KIF6: variants seen among roughly 807,000 people sequenced by gnomAD.
The protein encoded by KIF6 is kinesin family member 6.
Under a neutral mutation model 112.7 loss-of-function variants are expected in KIF6, and 106 were observed. The observed-to-expected ratio is 0.94, with a 90% CI of 0.80 to 1.11. The LOEUF is 1.11. Among genes scored for constraint, KIF6 ranks in the 50% least tolerant of loss-of-function variants. The pLI is 0.00. For missense variants in KIF6, 929 were observed against 964.0 expected, an observed-to-expected ratio of 0.96 and a Z score of 0.48; for synonymous variants, 339 against 339.9, an observed-to-expected ratio of 1.00 and a Z score of 0.03.
chr6:39,567,428 C>G (rs1780351319), intron 10 of KIF6, among the ~76,000 whole-genome samples: 1 of 152,150 alleles, frequency 6.6e-6, no homozygotes, highest in Non-Finnish European at 1.5e-5. Context: ...ATTCAAGCCT[C>G]TTAACTCTCA....
At chr6:39,478,700 ATTTTT>A (rs796482220) in intron 13 of KIF6, among the ~76,000 whole-genome samples, 3 of 106,152 alleles carry the variant, frequency 2.8e-5, no homozygotes, top group Non-Finnish European at 4.3e-5. Flanking sequence ...GACAACATCT[ATTTTT>A]TTTTTTTTTT....
At chr6:39,348,977 C>G (rs1285130271) in intron 19 of KIF6, among the ~76,000 whole-genome samples, 2 of 152,176 alleles carry the variant, frequency 1.3e-5, no homozygotes, top group Non-Finnish European at 2.9e-5. Context: ...CTTTGCACAT[C>G]TTACAGATGA....
At chr6:39,411,352 A>G (rs1166198510) in intron 15 of KIF6, among the ~76,000 whole-genome samples, 1 of 152,190 alleles carries the variant, frequency 6.6e-6, no homozygotes, top group East Asian at 1.9e-4. Flanking sequence ...AGATCTTATG[A>G]TCGTATCTTA....
At chr6:39,577,797 T>C (rs1243740516) in intron 10 of KIF6, among the ~76,000 whole-genome samples, 1 of 152,214 alleles carries the variant, frequency 6.6e-6, no homozygotes, top group Non-Finnish European at 1.5e-5. Flanking sequence ...TTCCTTTTCT[T>C]CAGCTGGCAT....
chr6:39,338,803 C>G (rs9462533), intron 22 of KIF6, among the ~76,000 whole-genome samples: 68,595 of 151,956 alleles, frequency 0.45, 17,358 homozygotes, highest in African/African-American at 0.69. Context: ...GAGATCTGGG[C>G]TCTGATGTTT....
At chr6:39,377,278 G>A (rs1338626662) in intron 16 of KIF6, among the ~76,000 whole-genome samples, 1 of 152,010 alleles carries the variant, frequency 6.6e-6, no homozygotes, top group Admixed American at 6.6e-5. Context: ...CCAACTGCTG[G>A]CCTCAAGCGA....
chr6:39,342,806 T>A lies in KIF6; in HGVS notation c.2428+903A>T. 1.0e-6 allele frequency: 1 copy of A among 985,278 alleles called. No individual in the cohort carries two copies. Among genetic ancestry groups the A allele is most frequent in the Non-Finnish European group, 1.2e-6 (1 of 829,914 alleles). The allele number at this position is 985,278 out of a possible 1,614,324, so 61.0% of individuals were successfully genotyped here. A position where few individuals can be genotyped will look rare whatever the true frequency, so the allele number is the denominator to read the frequency against. ...GCGAGTACAGGACCAAGGCCGGCTC[T>A]CAGTTGCGGCGCTCCATCCATGCAC... On this transcript the variant is annotated intron_variant, in intron 22 of 22. Coordinates refer to ENST00000287152, the MANE Select transcript of KIF6 (RefSeq NM_145027.6). The surrounding 1 kb of genome is among the most constrained non-coding windows in gnomAD (Gnocchi z 4.7).
In KIF6 at chr6:39,349,463, G is replaced by T. The variant is rs1017302195; in HGVS notation, c.2181-2937C>A. On this transcript the variant is annotated intron_variant, in intron 19 of 22. Transcript: ENST00000287152. The stretch of plus-strand genomic sequence containing the variant: ...GAGAGGAGGAAGAAAAGGAGAAGGG[G>T]GATGTAAGGCAGGAATAGAGATAGG... Among the ~76,000 whole-genome samples the T allele has an allele frequency of 2.0e-5, 3 of 151,966 alleles. No homozygotes were observed. In the South Asian group the frequency reaches 6.2e-4, roughly 32 times the overall value.
At chr6:39,509,932 G>T (rs985644101) in intron 13 of KIF6, among the ~76,000 whole-genome samples, 2 of 152,132 alleles carry the variant, frequency 1.3e-5, no homozygotes, top group East Asian at 3.9e-4. Flanking sequence ...ATAATTGTCA[G>T]ATTCACCAAG....
intron 21 of KIF6, among the ~76,000 whole-genome samples, chr6:39,344,993 C>A (rs907911895): frequency 6.6e-6 from 1 of 152,240 alleles, no homozygotes; most frequent in Admixed American, 6.5e-5. Context: ...TGCCCTCCCC[C>A]ATCCCCTTTT....
At chr6:39,425,088 T>C (rs531402008) in intron 14 of KIF6, among the ~76,000 whole-genome samples, 58 of 152,244 alleles carry the variant, frequency 3.8e-4, no homozygotes, top group Admixed American at 3.1e-3. Context: ...CAGTGGCTGC[T>C]TTTACCCATG....
intron 19 of KIF6, among the ~76,000 whole-genome samples, chr6:39,356,964 C>G (rs1764739534): frequency 6.6e-6 from 1 of 152,174 alleles, no homozygotes; most frequent in Non-Finnish European, 1.5e-5. Context: ...TGCTATGACC[C>G]TGTTCCATTC....
intron 7 of KIF6, among the ~76,000 whole-genome samples, chr6:39,590,040 G>GT (rs1484683692): frequency 6.6e-6 from 1 of 152,144 alleles, no homozygotes; most frequent in African/African-American, 2.4e-5. Context: ...ATGGAATGAG[G>GT]TTTGAGAGAA....
intron 5 of KIF6, among the ~76,000 whole-genome samples, chr6:39,623,855 T>G (rs1783951656): frequency 6.6e-6 from 1 of 152,168 alleles, no homozygotes; most frequent in Non-Finnish European, 1.5e-5. Context: ...CCATCTGACG[T>G]AATCTCTTCA....
At chr6:39,370,729 G>A (rs554576367) in intron 16 of KIF6, among the ~76,000 whole-genome samples, 1 of 152,244 alleles carries the variant, frequency 6.6e-6, no homozygotes, top group African/African-American at 2.4e-5. Flanking sequence ...GGTGGTGTGT[G>A]TGGAGATGCT....
intron 13 of KIF6, among the ~76,000 whole-genome samples, chr6:39,448,196 T>C (rs941180450): frequency 1.3e-5 from 2 of 152,096 alleles, no homozygotes; most frequent in Non-Finnish European, 2.9e-5. Flanking sequence ...TTTTTTGAGA[T>C]GAAGTCTTGC....
intron 4 of KIF6, 37 bp from the exon 5 acceptor site, chr6:39,634,995 T>C: frequency 1.8e-6 from 2 of 1,119,458 alleles, no homozygotes; most frequent in Non-Finnish European, 2.7e-6. Context: ...TTATCGGTTA[T>C]AACAATGATT....
chr6:39,533,680 C>A (rs1778222132), intron 13 of KIF6, among the ~76,000 whole-genome samples: 1 of 152,342 alleles, frequency 6.6e-6, no homozygotes, highest in African/African-American at 2.4e-5. Flanking sequence ...ACTTAAATGT[C>A]CCTGTCTGAC....
At chr6:39,410,346 T>C (rs545255974) in intron 15 of KIF6, among the ~76,000 whole-genome samples, 58 of 152,382 alleles carry the variant, frequency 3.8e-4, no homozygotes, top group African/African-American at 1.4e-3. Context: ...GAAAGAAATT[T>C]CATTTTAAGG....
Sources: allele counts gnomAD v4.1 joint callset (sites outside exome capture counted in the v4.1 genomes callset), GRCh38; gene constraint gnomAD v4.1.1; non-coding constraint Gnocchi (gnomAD v3.1); transcripts MANE v1.5; gene names NCBI Gene and HGNC (gene_info 2026-07-23, HGNC 2026-07-21).